Variants in SLC44A3 observed in about 807,000 individuals in gnomAD.
SLC44A3 encodes choline transporter-like protein 3.
A neutral mutation model predicts 75.4 loss-of-function variants in SLC44A3; 74 were observed. That is an observed-to-expected ratio of 0.98 (90% confidence interval 0.81 to 1.19). The LOEUF (loss-of-function observed/expected upper bound fraction) is 1.19, where lower values mean the gene tolerates loss of function less well. SLC44A3 is among the 50% of genes most tolerant of loss of function. The probability of loss-of-function intolerance (pLI) is 0.00; values close to 1 mark genes in which losing one functional copy is unlikely to be tolerated. For missense variants in SLC44A3, 700 were observed against 778.6 expected, an observed-to-expected ratio of 0.90 and a Z score of 1.20; for synonymous variants, 310 against 296.9, an observed-to-expected ratio of 1.04 and a Z score of -0.45.
At chr1:94,823,570 A>T (rs1660905782) in intron 2 of SLC44A3, among the ~76,000 whole-genome samples, 1 of 152,252 alleles carries the variant, frequency 6.6e-6, no homozygotes, top group South Asian at 2.1e-4. Context: ...CACACTGGGC[A>T]CTTGAAGAAT....
intron 2 of SLC44A3, among the ~76,000 whole-genome samples, chr1:94,823,119 A>G (rs957389789): frequency 6.6e-6 from 1 of 152,116 alleles, no homozygotes; most frequent in African/African-American, 2.4e-5. Context: ...AGGCTTTCCA[A>G]AGGAAAGAAT....
intron 13 of SLC44A3, 105 bp from the exon 14 acceptor site, chr1:94,892,176 C>G: frequency 9.9e-7 from 1 of 1,008,030 alleles, no homozygotes; most frequent in East Asian, 2.4e-5. Context: ...ATAGTGCACA[C>G]ACACGTTGCA....
At chr1:94,855,701 T>A (rs1181989946) in intron 9 of SLC44A3, among the ~76,000 whole-genome samples, 2 of 152,214 alleles carry the variant, frequency 1.3e-5, no homozygotes, top group Non-Finnish European at 2.9e-5. Flanking sequence ...GGAATTAAGA[T>A]CAGCCTTAGT....
intron 12 of SLC44A3, among the ~76,000 whole-genome samples, chr1:94,874,537 A>G (rs1668076835): frequency 6.6e-6 from 1 of 152,226 alleles, no homozygotes; most frequent in South Asian, 2.1e-4. Flanking sequence ...TGAATGAATT[A>G]TTGCATGAGA....
chr1:94,890,086 G>C (rs1401708036), intron 12 of SLC44A3, among the ~76,000 whole-genome samples: 1 of 152,164 alleles, frequency 6.6e-6, no homozygotes, highest in African/African-American at 2.4e-5. Context: ...CTGACCTCAG[G>C]TGATCCTCCC....
chr1:94,842,793 G>A (rs1234091599), intron 8 of SLC44A3, among the ~76,000 whole-genome samples: 1 of 152,226 alleles, frequency 6.6e-6, no homozygotes, highest in Admixed American at 6.5e-5. Context: ...ACTGTTCTGT[G>A]GAGCAGCTGC....
rs1660447484 is a variant in SLC44A3 at position 94,820,739 on chromosome 1, C to CA, written c.28-209dup. 8 of 1,392,530 alleles carry CA rather than the reference C, an allele frequency of 5.7e-6. No homozygotes were observed. In the South Asian group the frequency reaches 1.1e-4, roughly 18 times the overall value. The allele number at this position is 1,392,530 out of a possible 1,614,324, so 86.3% of individuals were successfully genotyped here. ...GCACCTCCAGGTAAGCACTTGGCGG[C>CA]AGGGGGCTTAACATCCGCTCCGCGC... On this transcript the variant is annotated intron_variant, in intron 1 of 14. Coordinates refer to ENST00000271227, the MANE Select transcript of SLC44A3 (RefSeq NM_001114106.3).
intron 14 of SLC44A3, 64 bp from the exon 15 acceptor site, chr1:94,894,753 CG>C: frequency 7.4e-7 from 1 of 1,355,138 alleles, no homozygotes; most frequent in Non-Finnish European, 1.0e-6. Flanking sequence ...AGTTTTCCCT[CG>C]GCCCCTACGT....
At chr1:94,879,216 A>AC (rs201430773) in intron 12 of SLC44A3, among the ~76,000 whole-genome samples, 2,944 of 96,722 alleles carry the variant, frequency 0.03, 37 homozygotes, top group African/African-American at 0.037. Flanking sequence ...AACAACTACA[A>AC]AAAAAAAAAA....
intron 3 of SLC44A3, among the ~76,000 whole-genome samples, chr1:94,824,910 T>C (rs180989427): frequency 5.6e-4 from 85 of 152,238 alleles, no homozygotes; most frequent in African/African-American, 2.0e-3. Context: ...CTAGTTATTA[T>C]ACCTACCTCA....
chr1:94,857,380 T>G lies in SLC44A3; in HGVS notation c.1118T>G (p.Leu373Arg). 1 of 1,613,508 alleles carries G rather than the reference T, an allele frequency of 6.2e-7. No homozygotes were observed. The highest frequency in any genetic ancestry group is 8.5e-7 in the Non-Finnish European group (1 of 1,179,802). Residue 373 changes from leucine to arginine, a missense_variant, in exon 10 of 15, where the codon CTT becomes CGT. Transcript: ENST00000271227. ...GGCGGCCAAGTGGAATATAAGCCCC[T>G]TTCGGGCATTCGGTACATGTGGTCG... ...MEGGQVEYKP[L>R]SGIRYMWSYH...
intron 6 of SLC44A3, 125 bp from the exon 7 acceptor site, chr1:94,839,823 T>C (rs1278070550): frequency 1.4e-6 from 1 of 730,012 alleles, no homozygotes; most frequent in Non-Finnish European, 2.5e-6. Flanking sequence ...TATCCCAAGA[T>C]ATTTAGAGAT....
chr1:94,851,103 C>G (rs916577368), intron 9 of SLC44A3, among the ~76,000 whole-genome samples: 33 of 152,076 alleles, frequency 2.2e-4, no homozygotes, highest in South Asian at 2.1e-4. Context: ...AATCCCCTCC[C>G]CTGCCCAACT....
At position 94,845,367 on chromosome 1, in the gene SLC44A3, T is replaced by C; in HGVS notation, c.975T>C (p.Ser325=). Residue 325 remains serine (S), a synonymous_variant, in exon 9 of 15, where the codon AGT becomes AGC. Transcript: ENST00000271227. ...LFQITNKAIS[S]APFLLFQPLW... is the part of the protein sequence containing the mutation. ...AAATCACAAATAAAGCCATCAGCAG[T>C]GCTCCCTTCCTGCTGTTCCAGCCAC... 1 of 1,614,176 alleles carries C rather than the reference T, an allele frequency of 6.2e-7. No individual in the cohort carries two copies. The highest frequency in any genetic ancestry group is 8.5e-7 in the Non-Finnish European group (1 of 1,180,000).
At chr1:94,893,038 C>A (rs928875106) in intron 14 of SLC44A3, among the ~76,000 whole-genome samples, 6 of 152,314 alleles carry the variant, frequency 3.9e-5, no homozygotes, top group Admixed American at 3.9e-4. Context: ...AAAAGCCACA[C>A]CCTCAGCGGA....
intron 11 of SLC44A3, among the ~76,000 whole-genome samples, chr1:94,865,995 G>A (rs1667127295): frequency 1.3e-5 from 2 of 152,154 alleles, no homozygotes; most frequent in Non-Finnish European, 2.9e-5. Flanking sequence ...GCCCCTGATT[G>A]TAGAATATTT....
intron 12 of SLC44A3, among the ~76,000 whole-genome samples, chr1:94,872,808 G>T (rs1387714718): frequency 6.6e-6 from 1 of 152,206 alleles, no homozygotes; most frequent in African/African-American, 2.4e-5. Flanking sequence ...GTGGGAAATG[G>T]GGGGAGAGTG....
chr1:94,859,314 A>G (rs1191545235), intron 10 of SLC44A3, among the ~76,000 whole-genome samples: 3 of 152,218 alleles, frequency 2.0e-5, no homozygotes, highest in South Asian at 2.1e-4. Flanking sequence ...CAGCCACTCA[A>G]AAAATCATGA....
At chr1:94,834,535 A>G (rs977266361) in intron 5 of SLC44A3, among the ~76,000 whole-genome samples, 1 of 151,590 alleles carries the variant, frequency 6.6e-6, no homozygotes, top group Non-Finnish European at 1.5e-5. Context: ...CCCAGGCTGG[A>G]GTGTAGTGGC....
Sources: allele counts gnomAD v4.1 joint callset (sites outside exome capture counted in the v4.1 genomes callset), GRCh38; gene constraint gnomAD v4.1.1; transcripts MANE v1.5; gene names NCBI Gene and HGNC (gene_info 2026-07-23, HGNC 2026-07-21).